Variants in P2RY8 observed in about 807,000 individuals in gnomAD.
P2RY8 encodes the protein P2Y receptor family member 8.
P2RY8 carries 6 observed loss-of-function variants against 10.0 expected under a neutral mutation model. The observed-to-expected ratio is 0.60, with a 90% confidence interval of 0.33 to 1.19. The LOEUF is 1.19. P2RY8 is among the 50% of genes most tolerant of loss of function. The probability of loss-of-function intolerance (pLI) is 0.04; values close to 1 mark genes in which losing one functional copy is unlikely to be tolerated. For synonymous variants in P2RY8, 276 were observed against 252.5 expected (o/e 1.09, Z -0.88); for missense variants, 456 against 542.0 (o/e 0.84, Z 1.58).
chrX:1,488,122 G>A (rs377513587), intron 1 of P2RY8, among the ~76,000 whole-genome samples: 8,220 of 92,494 alleles, frequency 0.089, 453 homozygotes, highest in East Asian at 0.19. Flanking sequence ...AAAAAAAAAA[G>A]AAGAAGAAGA....
chrX:1,495,718 A>G (rs368470135), intron 1 of P2RY8, among the ~76,000 whole-genome samples: 3 of 88,714 alleles, frequency 3.4e-5, no homozygotes, highest in Non-Finnish European at 8.0e-5. Flanking sequence ...CAGGGAGAAG[A>G]CGGCGTCTCC....
intron 1 of P2RY8, among the ~76,000 whole-genome samples, chrX:1,479,015 A>G (rs2091907691): frequency 6.6e-6 from 1 of 152,080 alleles, no homozygotes; most frequent in African/African-American, 2.4e-5. Flanking sequence ...AGCAGATGCA[A>G]CCTCTTCTGA....
chrX:1,514,862 C>T (rs867146784), intron 1 of P2RY8, among the ~76,000 whole-genome samples: 4 of 30,880 alleles, frequency 1.3e-4, no homozygotes, highest in African/African-American at 1.9e-4. Flanking sequence ...TCCCCCTCCC[C>T]CTCCCCTTCC....
intron 1 of P2RY8, among the ~76,000 whole-genome samples, chrX:1,475,597 G>C (rs1180288914): frequency 6.6e-6 from 1 of 151,234 alleles, no homozygotes; most frequent in African/African-American, 2.4e-5. Flanking sequence ...AGACTTCAAA[G>C]AAATTAGAGA....
In P2RY8 at chrX:1,465,599, C is replaced by G. The variant is rs779291412; in HGVS notation, c.960G>C (p.Thr320=). 30 of 1,613,042 alleles carry G rather than the reference C, an allele frequency of 1.9e-5. No homozygotes were observed. The highest frequency in any genetic ancestry group is 2.5e-5 in the Non-Finnish European group (29 of 1,179,806). ...TGGCGGAGAAGAGGCTCTCGCGGCG[C>G]GTGTCCAGGGTGTCTCTGGGCACCC... ...CRRVPRDTLD[T]RRESLFSART... is the part of the protein sequence containing the mutation. Residue 320 remains threonine (T), a synonymous_variant, in exon 2 of 2, where the codon ACG becomes ACC. Coordinates refer to ENST00000381297, the MANE Select transcript of P2RY8 (RefSeq NM_178129.5).
chrX:1,505,199 G>C (rs2092221074), intron 1 of P2RY8, among the ~76,000 whole-genome samples: 1 of 151,822 alleles, frequency 6.6e-6, no homozygotes, highest in South Asian at 2.1e-4. Context: ...CGTGAATCAG[G>C]GCGTCTCAGA....
chrX:1,473,171 AGATGGATGGGTG>A (rs1384888040), intron 1 of P2RY8, among the ~76,000 whole-genome samples: 44 of 120,610 alleles, frequency 3.6e-4, no homozygotes, highest in Non-Finnish European at 6.5e-4. Flanking sequence ...ATGAGTAGGT[AGATGGATGGGTG>A]GATGGATGGG....
At chrX:1,477,521 A>G (rs1353857491) in intron 1 of P2RY8, among the ~76,000 whole-genome samples, 1 of 149,238 alleles carries the variant, frequency 6.7e-6, no homozygotes, top group East Asian at 1.9e-4. Flanking sequence ...TGAATCAGTT[A>G]TCTAACAATC....
intron 1 of P2RY8, among the ~76,000 whole-genome samples, chrX:1,535,081 C>A (rs1223640190): frequency 6.6e-6 from 1 of 151,724 alleles, no homozygotes; most frequent in South Asian, 2.1e-4. Context: ...GTGGGGGAGG[C>A]CAATATTTGG....
At chrX:1,473,835 G>GATGC (rs2091836072) in intron 1 of P2RY8, among the ~76,000 whole-genome samples, 1 of 142,558 alleles carries the variant, frequency 7.0e-6, no homozygotes, top group African/African-American at 2.6e-5. Flanking sequence ...TGGGTGGATG[G>GATGC]GTGGATGGAT....
intron 1 of P2RY8, among the ~76,000 whole-genome samples, chrX:1,531,060 G>GTCTATCTA (rs1351395949): frequency 7.6e-6 from 1 of 131,590 alleles, no homozygotes; most frequent in African/African-American, 2.7e-5. Context: ...CTATCTGTCT[G>GTCTATCTA]TCTGTCTGTC....
intron 1 of P2RY8, among the ~76,000 whole-genome samples, chrX:1,508,346 G>A (rs2092254108): frequency 6.6e-6 from 1 of 152,148 alleles, no homozygotes; most frequent in East Asian, 1.9e-4. Flanking sequence ...ACGGGGTGGA[G>A]GAGCTCCTGG....
chrX:1,528,133 T>A (rs1478305449), intron 1 of P2RY8, among the ~76,000 whole-genome samples: 3 of 152,174 alleles, frequency 2.0e-5, no homozygotes, highest in Non-Finnish European at 4.4e-5. Flanking sequence ...AGCCTGAGTA[T>A]CCTAGAAGTT....
chrX:1,534,383 C>T (rs2092509280), intron 1 of P2RY8, among the ~76,000 whole-genome samples: 1 of 151,702 alleles, frequency 6.6e-6, no homozygotes, highest in Admixed American at 6.6e-5. Flanking sequence ...ACACTCCCTG[C>T]AGTCCCCTGA....
intron 1 of P2RY8, among the ~76,000 whole-genome samples, chrX:1,478,685 G>A (rs1401703949): frequency 6.6e-6 from 1 of 151,996 alleles, no homozygotes; most frequent in Non-Finnish European, 1.5e-5. Context: ...CCAGCATGTT[G>A]GCCAGGCTGG....
intron 1 of P2RY8, among the ~76,000 whole-genome samples, chrX:1,491,085 T>C (rs1185509485): frequency 1.9e-4 from 26 of 138,322 alleles, no homozygotes; most frequent in East Asian, 4.4e-4. Context: ...AGATATTCCC[T>C]GCAAATGTGG....
intron 1 of P2RY8, among the ~76,000 whole-genome samples, chrX:1,485,092 G>T (rs1188244461): frequency 6.9e-6 from 1 of 145,866 alleles, no homozygotes; most frequent in African/African-American, 2.5e-5. Context: ...GCCTCCAAAA[G>T]TGTTGAGATT....
At position 1,466,132 on chromosome X, in the gene P2RY8, C is replaced by T. The variant is rs2091671877; in HGVS notation, c.427G>A (p.Ala143Thr). The T allele has an allele frequency of 1.2e-6, 2 of 1,611,684 alleles. No homozygotes were observed. The highest frequency in any genetic ancestry group is 2.7e-5 in the African/African-American group (2 of 75,010). ...RWRRRRYAVAACAGTWLLLLT... is the reference protein window; with the variant it reads ...RWRRRRYAVATCAGTWLLLLT... The stretch of plus-strand genomic sequence containing the variant: ...AGCAGCAGCCAGGTCCCTGCACACG[C>T]GGCCACCGCGTAACGACGGCGGCGC... Residue 143 changes from alanine (A) to threonine (T), a missense_variant, in exon 2 of 2, where the codon GCG becomes ACG. Physicochemically the swap from Ala to Thr is moderately conservative, Grantham distance 58 (BLOSUM62 0). Coordinates refer to ENST00000381297, the MANE Select transcript of P2RY8 (RefSeq NM_178129.5).
chrX:1,506,465 G>A (rs1271184675), intron 1 of P2RY8, among the ~76,000 whole-genome samples: 2 of 151,992 alleles, frequency 1.3e-5, no homozygotes, highest in Admixed American at 6.6e-5. Flanking sequence ...CTGCCTCTTT[G>A]TCCTTTCCAT....
Sources: gnomAD v4.1 joint callset for allele counts (sites outside exome capture counted in the v4.1 genomes callset) on GRCh38, gnomAD v4.1.1 for gene constraint, MANE v1.5 for transcripts, NCBI Gene and HGNC (gene_info 2026-07-23, HGNC 2026-07-21) for gene names.